DSCAM: variants seen among roughly 807,000 people sequenced by gnomAD.
DSCAM encodes the protein DS cell adhesion molecule.
In DSCAM, 47 loss-of-function variants were observed where a neutral mutation model predicts 217.7. The observed-to-expected ratio is 0.22, with a 90% CI of 0.17 to 0.28. DSCAM has a LOEUF of 0.28. DSCAM is among the 10% of genes least tolerant of loss of function. DSCAM has a pLI of 1.00. For missense variants in DSCAM, 2,080 were observed against 2,618.3 expected, an observed-to-expected ratio of 0.79 and a Z score of 4.49; for synonymous variants, 1,056 against 1,015.3, an observed-to-expected ratio of 1.04 and a Z score of -0.76.
At chr21:40,511,852 G>A (rs2076260100) in intron 3 of DSCAM, among the ~76,000 whole-genome samples, 1 of 151,800 alleles carries the variant, frequency 6.6e-6, no homozygotes, top group African/African-American at 2.4e-5. Flanking sequence ...TTAGCCGGGC[G>A]TGGTGGCAGG....
chr21:40,251,679 C>T (rs941766016), intron 11 of DSCAM, among the ~76,000 whole-genome samples: 85 of 152,270 alleles, frequency 5.6e-4, no homozygotes, highest in African/African-American at 1.9e-3. Context: ...GATATTCATG[C>T]CCTTGTGGAA....
chr21:40,075,227 C>A lies in DSCAM; in HGVS notation c.4712-14G>T. 1 of 1,613,934 alleles carries A rather than the reference C, an allele frequency of 6.2e-7. No individual in the cohort carries two copies. Among genetic ancestry groups the A allele is most frequent in the Non-Finnish European group, 8.5e-7 (1 of 1,179,920 alleles). On this transcript the variant is annotated splice_polypyrimidine_tract_variant and intron_variant, in intron 26 of 32. Transcript: ENST00000400454. ...GAGGAATTGTACCTGAAAGCAGGGCCACGGTGTTAGATGGCTATTAATGAA... is the reference window on the plus strand; with the variant it reads ...GAGGAATTGTACCTGAAAGCAGGGCAACGGTGTTAGATGGCTATTAATGAA...
At chr21:40,374,951 G>T (rs1220077939) in intron 3 of DSCAM, among the ~76,000 whole-genome samples, 1 of 152,154 alleles carries the variant, frequency 6.6e-6, no homozygotes, top group Non-Finnish European at 1.5e-5. Context: ...AGCTGACCAA[G>T]ATATTATCTT....
intron 15 of DSCAM, among the ~76,000 whole-genome samples, chr21:40,175,815 A>ACGCACGCACG (rs1401541279): frequency 7.4e-5 from 11 of 149,654 alleles, no homozygotes; most frequent in South Asian, 2.1e-4. Flanking sequence ...ACACGCACAC[A>ACGCACGCACG]CACACACACG....
intron 10 of DSCAM, among the ~76,000 whole-genome samples, chr21:40,286,919 G>C (rs1462718770): frequency 2.0e-5 from 3 of 152,074 alleles, no homozygotes; most frequent in Non-Finnish European, 4.4e-5. Context: ...ATGATCTGCA[G>C]TATGATCCAC....
Position 40,717,114 on chromosome 21 carries a change from G to C in DSCAM, c.44-8343C>G, listed in dbSNP as rs192329704. On this transcript the variant is annotated intron_variant, in intron 1 of 32. Transcript: ENST00000400454. ...GGAAATTCAATGCACAGCTAAAAGT[G>C]TTGCACGATTAGGAGAGGGAGCTAC... Among the ~76,000 whole-genome samples, 3 of 152,330 alleles carry C rather than the reference G, an allele frequency of 2.0e-5. No homozygotes were observed. The East Asian group carries it at 5.8e-4, about 29-fold the overall frequency.
intron 32 of DSCAM, among the ~76,000 whole-genome samples, chr21:40,033,545 T>C (rs1056039304): frequency 3.3e-5 from 5 of 151,290 alleles, no homozygotes; most frequent in Non-Finnish European, 5.9e-5. Context: ...GTCTTGCTGA[T>C]TGCTAGCACA....
chr21:40,561,011 A>G (rs1358709843), intron 3 of DSCAM, among the ~76,000 whole-genome samples: 1 of 152,224 alleles, frequency 6.6e-6, no homozygotes, highest in Non-Finnish European at 1.5e-5. Context: ...TTTGTTTATG[A>G]GGATTACATT....
In DSCAM at chr21:40,165,254, C is replaced by T. The variant is rs551913141; in HGVS notation, c.3018+1964G>A. 3.3e-5 allele frequency among the ~76,000 whole-genome samples: 5 copies of T among 152,266 alleles called. No homozygotes were observed. The South Asian group carries it at 8.3e-4, about 25-fold the overall frequency. ...GGCATGTTATATGTAACATATTGTC[C>T]TTTACATATACTTAAGATTTCGTGT... On this transcript the variant is annotated intron_variant, in intron 16 of 32. Transcript: ENST00000400454.
chr21:40,433,749 G>A (rs1377979378), intron 3 of DSCAM, among the ~76,000 whole-genome samples: 1 of 152,120 alleles, frequency 6.6e-6, no homozygotes, highest in South Asian at 2.1e-4. Context: ...AGTGGATGAT[G>A]TCACCTGAGG....
intron 19 of DSCAM, among the ~76,000 whole-genome samples, chr21:40,129,583 G>A (rs1397349592): frequency 2.0e-5 from 3 of 152,182 alleles, no homozygotes; most frequent in Non-Finnish European, 4.4e-5. Flanking sequence ...AGTGGAGGGA[G>A]TGTGGAAAGC....
intron 32 of DSCAM, among the ~76,000 whole-genome samples, chr21:40,032,827 C>T (rs1043204330): frequency 1.3e-5 from 2 of 152,152 alleles, no homozygotes; most frequent in Non-Finnish European, 2.9e-5. Flanking sequence ...GCATAGATCT[C>T]AAACCTTGTT....
intron 16 of DSCAM, among the ~76,000 whole-genome samples, chr21:40,156,287 CAG>C (rs749781848): frequency 0.078 from 5,898 of 75,388 alleles, 139 homozygotes; most frequent in East Asian, 0.12. Flanking sequence ...CAAACTAAGA[CAG>C]AGAGAGAGAG....
intron 3 of DSCAM, among the ~76,000 whole-genome samples, chr21:40,599,551 T>C (rs1004603750): frequency 1.3e-5 from 2 of 151,998 alleles, no homozygotes; most frequent in Non-Finnish European, 2.9e-5. Flanking sequence ...TTAAAAGAGC[T>C]AGAGAAGCAA....
chr21:40,483,241 T>C (rs2075997417), intron 3 of DSCAM, among the ~76,000 whole-genome samples: 1 of 152,250 alleles, frequency 6.6e-6, no homozygotes, highest in African/African-American at 2.4e-5. Context: ...ATATCTATTT[T>C]AAAATTTCCA....
At chr21:40,303,862 T>C (rs1025696572) in intron 9 of DSCAM, among the ~76,000 whole-genome samples, 14 of 152,152 alleles carry the variant, frequency 9.2e-5, no homozygotes, top group African/African-American at 1.2e-4. Flanking sequence ...CCAGAAACCA[T>C]TGACCCATCA....
intron 8 of DSCAM, among the ~76,000 whole-genome samples, chr21:40,330,604 G>A (rs952603607): frequency 3.3e-5 from 5 of 151,974 alleles, no homozygotes; most frequent in African/African-American, 9.7e-5. Context: ...AAACCTGTCT[G>A]AAGGAACCCA....
At chr21:40,214,171 G>C (rs563304861) in intron 11 of DSCAM, among the ~76,000 whole-genome samples, 170 of 152,298 alleles carry the variant, frequency 1.1e-3, no homozygotes, top group African/African-American at 3.9e-3. Context: ...AGCCCACTTA[G>C]GCTATAAATG....
At chr21:40,547,882 C>A (rs543098750) in intron 3 of DSCAM, among the ~76,000 whole-genome samples, 7 of 152,348 alleles carry the variant, frequency 4.6e-5, no homozygotes, top group Admixed American at 4.6e-4. Flanking sequence ...CGAAGGCAGG[C>A]AGGCAGCATT....
Sources: allele counts gnomAD v4.1 joint callset (sites outside exome capture counted in the v4.1 genomes callset), GRCh38; gene constraint gnomAD v4.1.1; transcripts MANE v1.5; gene names NCBI Gene and HGNC (gene_info 2026-07-23, HGNC 2026-07-21).